Variants in DAAM1 observed in about 807,000 individuals in gnomAD.
DAAM1 encodes the protein disheveled-associated activator of morphogenesis 1.
DAAM1 carries 52 observed loss-of-function variants against 130.0 expected under a neutral mutation model. The ratio of observed to expected loss-of-function variants is 0.40; its 90% confidence interval spans 0.32 to 0.50. The LOEUF is 0.50. Ranked by LOEUF, DAAM1 falls within the 20% of genes least tolerant of loss-of-function variation. The probability of loss-of-function intolerance (pLI) is 0.61; values close to 1 mark genes in which losing one functional copy is unlikely to be tolerated. For missense variants in DAAM1, 1,134 were observed against 1,303.8 expected, an observed-to-expected ratio of 0.87 and a Z score of 2.01; for synonymous variants, 452 against 444.5, an observed-to-expected ratio of 1.02 and a Z score of -0.21.
intron 2 of DAAM1, among the ~76,000 whole-genome samples, chr14:59,288,776 C>T (rs1410091147): frequency 6.6e-6 from 1 of 150,748 alleles, no homozygotes; most frequent in Non-Finnish European, 1.5e-5. Flanking sequence ...TGGGGGGCCT[C>T]AGGAAACTTA....
At chr14:59,317,131 A>G (rs1884824339) in intron 4 of DAAM1, among the ~76,000 whole-genome samples, 1 of 152,184 alleles carries the variant, frequency 6.6e-6, no homozygotes, top group Non-Finnish European at 1.5e-5. Flanking sequence ...CCAATCCAAA[A>G]TCCTTCCCAA....
chr14:59,206,054 A>G (rs1594756438), intron 1 of DAAM1, among the ~76,000 whole-genome samples: 4 of 151,974 alleles, frequency 2.6e-5, no homozygotes, highest in Admixed American at 6.6e-5. Flanking sequence ...GGGTCTCACT[A>G]TGTTGCCCAG....
intron 1 of DAAM1, among the ~76,000 whole-genome samples, chr14:59,239,288 AC>A (rs1889404879): frequency 6.6e-6 from 1 of 152,220 alleles, no homozygotes; most frequent in Non-Finnish European, 1.5e-5. Flanking sequence ...TATAATTAGG[AC>A]AATTGGCTGC....
chr14:59,341,053 G>C (rs1369473673), intron 16 of DAAM1, among the ~76,000 whole-genome samples: 1 of 152,168 alleles, frequency 6.6e-6, no homozygotes, highest in Non-Finnish European at 1.5e-5. Context: ...TTATTTAGAT[G>C]TTCTTAGAAT....
chr14:59,222,114 T>A (rs1888790287), intron 1 of DAAM1, among the ~76,000 whole-genome samples: 1 of 152,250 alleles, frequency 6.6e-6, no homozygotes. Flanking sequence ...TGTTCCATTG[T>A]ACAATCAAAT....
intron 22 of DAAM1, chr14:59,363,118 A>C (rs1886776086): frequency 6.5e-6 from 1 of 153,682 alleles, no homozygotes; most frequent in Admixed American, 6.4e-5. Context: ...TGTTCACAAA[A>C]ACCAATATGG....
chr14:59,208,827 C>T (rs914509796), intron 1 of DAAM1, among the ~76,000 whole-genome samples: 5 of 152,072 alleles, frequency 3.3e-5, no homozygotes, highest in African/African-American at 1.2e-4. Flanking sequence ...GGTTCTCGCT[C>T]AGTTCAGGCA....
At chr14:59,351,840 T>C (rs572577282) in intron 17 of DAAM1, among the ~76,000 whole-genome samples, 13 of 152,264 alleles carry the variant, frequency 8.5e-5, no homozygotes, top group African/African-American at 3.1e-4. Flanking sequence ...GTGTGTACCT[T>C]GAAAGGAAAT....
intron 2 of DAAM1, among the ~76,000 whole-genome samples, chr14:59,290,460 G>A (rs1310292712): frequency 6.6e-6 from 1 of 152,210 alleles, no homozygotes; most frequent in Non-Finnish European, 1.5e-5. Context: ...CAGTGTGGAT[G>A]TAGTAATGAG....
chr14:59,368,895 G>T lies in DAAM1; in HGVS notation c.*36G>T, dbSNP rs1038792931. The T allele has an allele frequency of 1.9e-6, 3 of 1,596,448 alleles. No homozygotes were observed. The highest frequency in any genetic ancestry group is 1.7e-4 in the Middle Eastern group (1 of 6,022). ...ATACTTTTTTTTAGAAAGCTCATTA[G>T]CAGCCCTCTAAAGTGACTAGAACGT... is the stretch of plus-strand genomic sequence containing the variant. On this transcript the variant is annotated 3_prime_UTR_variant, in exon 25 of 25. Transcript: ENST00000360909.
At position 59,352,587 on chromosome 14, in the gene DAAM1, T is replaced by G; in HGVS notation, c.2222T>G (p.Leu741Arg). Residue 741 changes from leucine to arginine, a missense_variant, in exon 18 of 25, where the codon CTG (leucine) becomes CGG (arginine). Physicochemically the swap from Leu to Arg is moderately radical, Grantham distance 102 (BLOSUM62 -2). Coordinates refer to ENST00000360909, the MANE Select transcript of DAAM1 (RefSeq NM_001270520.2). ...IDLLEEHKHELDRMAKADRFL... is the reference protein window; with the variant it reads ...IDLLEEHKHERDRMAKADRFL... ...CTATTGGAGGAACATAAACACGAAC[T>G]GGATCGGATGGCCAAGGCTGATAGG... 6.2e-7 allele frequency: 1 copy of G among 1,613,646 alleles called. No individual in the cohort carries two copies. Among genetic ancestry groups the G allele is most frequent in the Non-Finnish European group, 8.5e-7 (1 of 1,179,816 alleles).
chr14:59,288,894 T>G (rs1883587476), intron 2 of DAAM1, among the ~76,000 whole-genome samples: 1 of 148,772 alleles, frequency 6.7e-6, no homozygotes, highest in Admixed American at 6.7e-5. Context: ...ACACTGTTGT[T>G]GTTTTTGTTT....
intron 15 of DAAM1, among the ~76,000 whole-genome samples, chr14:59,335,325 C>A (rs965435437): frequency 2.0e-5 from 3 of 152,130 alleles, no homozygotes; most frequent in African/African-American, 7.2e-5. Flanking sequence ...AGTTATTTCT[C>A]CACTCACATT....
rs567041153 is a variant in DAAM1 at position 59,323,208 on chromosome 14, G to C, written c.757G>C (p.Glu253Gln). Reference protein sequence around the residue: ...AMLHYQKYASERTRFQTLIND... With the variant: ...AMLHYQKYASQRTRFQTLIND... ...GCTGCACTACCAGAAGTATGCCAGC[G>C]AAAGGACCCGCTTTCAGGTGGGTGT... Residue 253 changes from glutamate (E) to glutamine (Q), a missense_variant, in exon 6 of 25, where the codon GAA becomes CAA. Glu to Gln is a conservative substitution (Grantham distance 29, BLOSUM62 2). Around this residue, in one of 3 missense-constraint regions of DAAM1, gnomAD observed 391 missense variants for 521.6 expected, o/e 0.75. Coordinates refer to ENST00000360909, the MANE Select transcript of DAAM1 (RefSeq NM_001270520.2). 2.5e-6 allele frequency: 4 copies of C among 1,607,380 alleles called. No homozygotes were observed. The highest frequency in any genetic ancestry group is 3.4e-6 in the Non-Finnish European group (4 of 1,175,670).
rs976595341 is a variant in DAAM1, at chr14:59,198,124, C to T, written c.-38+9356C>T. 2.0e-5 allele frequency among the ~76,000 whole-genome samples: 3 copies of T among 151,966 alleles called. No individual in the cohort carries two copies. In the South Asian group the frequency reaches 6.2e-4, roughly 32 times the overall value. ...AGGAATTCCTCCAACAGAAATCATG[C>T]GTACACTCGGGGACATTCACATTGG... On this transcript the variant is annotated intron_variant, in intron 1 of 24. Coordinates refer to ENST00000360909, the MANE Select transcript of DAAM1 (RefSeq NM_001270520.2).
intron 1 of DAAM1, among the ~76,000 whole-genome samples, chr14:59,204,052 A>G (rs1283556232): frequency 6.6e-6 from 1 of 152,222 alleles, no homozygotes; most frequent in African/African-American, 2.4e-5. Context: ...CCCATGTGCA[A>G]AGGTAGGCCT....
chr14:59,298,412 C>T (rs1884039737), intron 3 of DAAM1, among the ~76,000 whole-genome samples: 1 of 152,150 alleles, frequency 6.6e-6, no homozygotes, highest in Admixed American at 6.5e-5. Flanking sequence ...CCATAAACCA[C>T]CCAGTTTTTT....
chr14:59,284,818 A>G (rs1883371119), intron 2 of DAAM1, among the ~76,000 whole-genome samples: 4 of 152,266 alleles, frequency 2.6e-5, no homozygotes, highest in African/African-American at 9.6e-5. Flanking sequence ...ATATGGGATT[A>G]TGTGAATGCC....
intron 1 of DAAM1, among the ~76,000 whole-genome samples, chr14:59,209,318 T>C (rs1888358602): frequency 6.6e-6 from 1 of 152,250 alleles, no homozygotes; most frequent in Non-Finnish European, 1.5e-5. Flanking sequence ...GATAACCATT[T>C]TTGTTTTTCC....
Sources: gnomAD v4.1 joint callset for allele counts (sites outside exome capture counted in the v4.1 genomes callset) on GRCh38, gnomAD v4.1.1 for gene constraint, gnomAD v4.1.1 regional missense constraint, MANE v1.5 for transcripts, NCBI Gene and HGNC (gene_info 2026-07-23, HGNC 2026-07-21) for gene names.